OCSTAMP: variants seen among roughly 807,000 people sequenced by gnomAD.
OCSTAMP encodes the protein transmembrane protein C20orf123.
OCSTAMP carries 17 observed loss-of-function variants against 25.2 expected under a neutral mutation model. The ratio of observed to expected loss-of-function variants is 0.68; its 90% CI spans 0.46 to 1.01. The LOEUF (loss-of-function observed/expected upper bound fraction) is 1.01. Ranked by LOEUF, OCSTAMP falls within the 50% of genes least tolerant of loss-of-function variation. OCSTAMP has a pLI of 0.00. For synonymous variants in OCSTAMP, 345 were observed against 318.9 expected (o/e 1.08, Z -0.87); for missense variants, 664 against 694.6 (o/e 0.96, Z 0.50).
Position 46,550,520 on chromosome 20 carries a change from G to A in OCSTAMP, c.41C>T (p.Thr14Ile), listed in dbSNP as rs2061867576. Reference protein sequence around the residue: ...HPGAAEQLVKTGWRSWHLGFW... With the variant: ...HPGAAEQLVKIGWRSWHLGFW... Reference sequence around the variant, plus strand: ...TGTCCAAAGTCCCCAGACCTACCCGGTCTTGACAAGTTGCTCAGCTGCTCC... The same window carrying A: ...TGTCCAAAGTCCCCAGACCTACCCGATCTTGACAAGTTGCTCAGCTGCTCC... The change falls in exon 1 of 3, where the codon ACC (threonine) becomes ATC (isoleucine). Residue 14 changes from threonine (T) to isoleucine (I), a missense_variant. Coordinates refer to ENST00000279028, the MANE Select transcript of OCSTAMP (RefSeq NM_080721.3). 1 of 1,551,610 alleles carries A rather than the reference G, an allele frequency of 6.4e-7. No individual in the cohort carries two copies. Among genetic ancestry groups the A allele is most frequent in the Non-Finnish European group, 8.7e-7 (1 of 1,146,922 alleles).
rs1446718135 is a variant in OCSTAMP at position 46,541,711 on chromosome 20, C to T, written c.1264G>A (p.Ala422Thr). 1.3e-6 allele frequency: 2 copies of T among 1,548,574 alleles called. No individual in the cohort carries two copies. Among genetic ancestry groups the T allele is most frequent in the Non-Finnish European group, 8.7e-7 (1 of 1,146,708 alleles). ...AGSTVLLEAY[A>T]RRLRHAIAAS... ...GCGATGGCATGCCGCAGGCGGCGGGCGTAGGCCTCCAGGAGCACCGTGGAG... is the reference window on the plus strand; with the variant it reads ...GCGATGGCATGCCGCAGGCGGCGGGTGTAGGCCTCCAGGAGCACCGTGGAG... Residue 422 changes from alanine to threonine, a missense_variant, in exon 3 of 3, where the codon GCC (alanine) becomes ACC (threonine). Physicochemically the swap from Ala to Thr is moderately conservative, Grantham distance 58 (BLOSUM62 0). Coordinates refer to ENST00000279028, the MANE Select transcript of OCSTAMP (RefSeq NM_080721.3).
At position 46,541,414 on chromosome 20, in the gene OCSTAMP, A is replaced by G; in HGVS notation, c.1561T>C (p.Leu521=). The G allele has an allele frequency of 7.7e-7, 1 of 1,307,074 alleles. No homozygotes were observed. Among genetic ancestry groups the G allele is most frequent in the African/African-American group, 1.5e-5 (1 of 67,976 alleles). 81.0% of individuals were successfully genotyped at this position (1,307,074 alleles called of 1,614,324 possible). A position where few individuals can be genotyped will look rare whatever the true frequency, so the allele number is the denominator to read the frequency against. ...LGPVPPPCVT[L]GKSLHLSEPR... The stretch of plus-strand genomic sequence containing the variant: ...TCAGAGAGGTGAAGTGACTTACCCA[A>G]GGTCACACAGGGAGGCGGCACAGGA... The change falls in exon 3 of 3, where the codon TTG becomes CTG. Residue 521 remains leucine, a synonymous_variant. Transcript: ENST00000279028.
At position 46,541,756 on chromosome 20, in the gene OCSTAMP, C is replaced by A; in HGVS notation, c.1219G>T (p.Ala407Ser). The change falls in exon 3 of 3, where the codon GCC (alanine) becomes TCC (serine). Residue 407 changes from alanine (A) to serine (S), a missense_variant. Transcript: ENST00000279028. ...GTGGAGCCCGCCAGGAGCTGCAGGG[C>A]CCCCGCGGCCAGCGGGGCAGCTGCG... ...PRAAAPLAAG[A>S]LQLLAGSTVL... 1 of 1,536,596 alleles carries A rather than the reference C, an allele frequency of 6.5e-7. No individual in the cohort carries two copies. The highest frequency in any genetic ancestry group is 8.8e-7 in the Non-Finnish European group (1 of 1,141,280).
rs2061848660 is a variant in OCSTAMP, at chr20:46,545,543, G to T, written c.831C>A (p.Ala277=). Residue 277 remains alanine (A), a synonymous_variant, in exon 2 of 3, where the codon GCC becomes GCA. Coordinates refer to ENST00000279028, the MANE Select transcript of OCSTAMP (RefSeq NM_080721.3). Reference sequence around the variant, plus strand: ...CCTGGAGCAGCCAGGTGGGTGGAGGGGCCAGGAGGTGTGTAGCCTGGGCCT... The same window carrying T: ...CCTGGAGCAGCCAGGTGGGTGGAGGTGCCAGGAGGTGTGTAGCCTGGGCCT... ...LAQAQATHLL[A]PPPTWLLQAA... The T allele has an allele frequency of 4.5e-6, 7 of 1,551,582 alleles. No individual in the cohort carries two copies. The highest frequency in any genetic ancestry group is 5.2e-6 in the Non-Finnish European group (6 of 1,146,930).
At chr20:46,545,086 A>G (rs2061846625) in intron 2 of OCSTAMP, among the ~76,000 whole-genome samples, 1 of 152,172 alleles carries the variant, frequency 6.6e-6, no homozygotes, top group South Asian at 2.1e-4. Context: ...GATGCAAGTT[A>G]TTTTAAGGTG....
intron 1 of OCSTAMP, 51 bp from the exon 2 acceptor site, chr20:46,546,380 G>T: frequency 3.5e-6 from 5 of 1,434,862 alleles, no homozygotes; most frequent in Non-Finnish European, 3.8e-6. Flanking sequence ...GGGTGGGTGG[G>T]TGTCTGTCCA....
At chr20:46,544,575 G>A (rs569546747) in intron 2 of OCSTAMP, among the ~76,000 whole-genome samples, 5 of 152,194 alleles carry the variant, frequency 3.3e-5, no homozygotes, top group Admixed American at 6.5e-5. Context: ...CGTGGCAAAA[G>A]AAAGGATCGA....
Position 46,547,689 on chromosome 20 carries a change from A to T in OCSTAMP, c.45-1360T>A, listed in dbSNP as rs184775388. 3.3e-5 allele frequency among the ~76,000 whole-genome samples: 5 copies of T among 152,336 alleles called. No homozygotes were observed. In the East Asian group the frequency reaches 9.6e-4, roughly 29 times the overall value. On this transcript the variant is annotated intron_variant, in intron 1 of 2. Coordinates refer to ENST00000279028, the MANE Select transcript of OCSTAMP (RefSeq NM_080721.3). ...CGGTGGCTTTTGGGGCCAAAATCCAACTAGACTGGGTCCAGGAGAGACGGG... is the reference window on the plus strand; with the variant it reads ...CGGTGGCTTTTGGGGCCAAAATCCATCTAGACTGGGTCCAGGAGAGACGGG...
At position 46,545,640 on chromosome 20, in the gene OCSTAMP, AGGT is replaced by A; in HGVS notation, c.731_733del (p.Tyr244_Leu245delinsPhe). On this transcript the variant is annotated inframe_deletion, in exon 2 of 3. Coordinates refer to ENST00000279028, the MANE Select transcript of OCSTAMP (RefSeq NM_080721.3). ...CCGCAGGTCTGTCAGGTAGCAATGG[AGGT>A]ACCATGCCGACTCCACCAGGAGGCC... The A allele has an allele frequency of 6.4e-7, 1 of 1,551,652 alleles. No individual in the cohort carries two copies. The highest frequency in any genetic ancestry group is 8.7e-7 in the Non-Finnish European group (1 of 1,146,990).
Position 46,545,384 on chromosome 20 carries a change from A to G in OCSTAMP, c.990T>C (p.Thr330=). 6.5e-7 allele frequency: 1 copy of G among 1,532,966 alleles called. No homozygotes were observed. Among genetic ancestry groups the G allele is most frequent in the Non-Finnish European group, 8.8e-7 (1 of 1,139,670 alleles). The allele number at this position is 1,532,966 out of a possible 1,614,324, so 95.0% of individuals were successfully genotyped here. The change falls in exon 2 of 3, where the codon ACT becomes ACC. Residue 330 remains threonine (T), a synonymous_variant. Transcript: ENST00000279028. The part of the protein sequence containing the change: ...DHVAFLLAQA[T]VDWAQKLPTV... ...TTGGCAACTTCTGAGCCCAGTCCAC[A>G]GTAGCCTGTGCCAGGAGGAAGGCTA... is the stretch of plus-strand genomic sequence containing the variant.
rs751853340 is a variant in OCSTAMP at position 46,545,436 on chromosome 20, G to T, written c.938C>A (p.Thr313Lys). The T allele has an allele frequency of 3.9e-6, 6 of 1,550,834 alleles. No homozygotes were observed. The South Asian group carries it at 7.1e-5, about 18-fold the overall frequency. Residue 313 changes from threonine to lysine, a missense_variant, in exon 2 of 3, where the codon ACG becomes AAG. Thr to Lys is a moderately conservative substitution (Grantham distance 78). Coordinates refer to ENST00000279028, the MANE Select transcript of OCSTAMP (RefSeq NM_080721.3). The stretch of plus-strand genomic sequence containing the variant: ...ATGGTCTGTGGCCACCGCCACAGCC[G>T]TGGCCACGAGGAGCAGGGCAAGCAG... The part of the protein sequence containing the change: ...LGLLALLLVA[T>K]AVAVATDHVA...
Position 46,545,476 on chromosome 20 carries a change from G to A in OCSTAMP, c.898C>T (p.Leu300Phe). 2 of 1,551,544 alleles carry A rather than the reference G, an allele frequency of 1.3e-6. No homozygotes were observed. Among genetic ancestry groups the A allele is most frequent in the South Asian group, 2.4e-5 (2 of 84,040 alleles). Residue 300 changes from leucine (L) to phenylalanine (F), a missense_variant, in exon 2 of 3, where the codon CTT (leucine) becomes TTT (phenylalanine). Leu to Phe is a conservative substitution (Grantham distance 22). Coordinates refer to ENST00000279028, the MANE Select transcript of OCSTAMP (RefSeq NM_080721.3). ...AGGGCAAGCAGCCCCAGCCTTAGAAGACAACTCAACAGCTCCTCCTGTGAC... is the reference window on the plus strand; with the variant it reads ...AGGGCAAGCAGCCCCAGCCTTAGAAAACAACTCAACAGCTCCTCCTGTGAC... ...RLSQEELLSC[L>F]LRLGLLALLL...
chr20:46,544,065 C>G (rs2061843751), intron 2 of OCSTAMP, among the ~76,000 whole-genome samples: 1 of 152,082 alleles, frequency 6.6e-6, no homozygotes, highest in Admixed American at 6.5e-5. Flanking sequence ...TAAAAATTAA[C>G]TGGGTGGTGG....
rs2061849934 is a variant in OCSTAMP, at chr20:46,545,767, C to A, written c.607G>T (p.Val203Phe). ...GSAFYLHMLR[V>F]TQQVLEDFSG... ...AAATCCTCCAGGACCTGCTGAGTGACCCTGAGCATGTGAAGGTAGAAGGCA... is the reference window on the plus strand; with the variant it reads ...AAATCCTCCAGGACCTGCTGAGTGAACCTGAGCATGTGAAGGTAGAAGGCA... The change falls in exon 2 of 3, where the codon GTC becomes TTC. Residue 203 changes from valine to phenylalanine, a missense_variant. Val to Phe is a conservative substitution (Grantham distance 50, BLOSUM62 -1). Transcript: ENST00000279028. The A allele has an allele frequency of 1.3e-6, 2 of 1,551,442 alleles. No homozygotes were observed. Among genetic ancestry groups the A allele is most frequent in the South Asian group, 2.4e-5 (2 of 84,072 alleles).
chr20:46,542,937 T>A (rs908330604), intron 2 of OCSTAMP, among the ~76,000 whole-genome samples: 1 of 152,102 alleles, frequency 6.6e-6, no homozygotes, highest in African/African-American at 2.4e-5. Flanking sequence ...TCCCAGAGGA[T>A]CAGAGAGTGC....
At position 46,550,654 on chromosome 20, in the gene OCSTAMP, T is replaced by C; in HGVS notation, c.-94A>G. The C allele has an allele frequency of 8.3e-7, 1 of 1,203,780 alleles. No individual in the cohort carries two copies. Among genetic ancestry groups the C allele is most frequent in the Non-Finnish European group, 1.2e-6 (1 of 835,224 alleles). 74.6% of individuals were successfully genotyped at this position (1,203,780 alleles called of 1,614,324 possible). On this transcript the variant is annotated 5_prime_UTR_variant, in exon 1 of 3. Coordinates refer to ENST00000279028, the MANE Select transcript of OCSTAMP (RefSeq NM_080721.3). ...GGAATCGCTGGGACTTGGGAATCCC[T>C]GCCACTTCTGCTTTTCCACTCTTTA...
chr20:46,545,188 A>C, intron 2 of OCSTAMP, 139 bp downstream of exon 2: 1 of 767,502 alleles, frequency 1.3e-6, no homozygotes. Flanking sequence ...CCCTCTGCCC[A>C]TGGTATGGGG....
chr20:46,543,669 A>G (rs774552526), intron 2 of OCSTAMP, among the ~76,000 whole-genome samples: 6 of 152,126 alleles, frequency 3.9e-5, no homozygotes, highest in South Asian at 2.1e-4. Flanking sequence ...CGCGAGAAAG[A>G]TATGGCAAAA....
intron 1 of OCSTAMP, among the ~76,000 whole-genome samples, chr20:46,548,569 G>A (rs369407456): frequency 1.1e-4 from 17 of 152,316 alleles, no homozygotes; most frequent in African/African-American, 3.8e-4. Context: ...GAGAACAAAC[G>A]AACTGGGGCA....
Sources: gnomAD v4.1 joint callset for allele counts (sites outside exome capture counted in the v4.1 genomes callset) on GRCh38, gnomAD v4.1.1 for gene constraint, MANE v1.5 for transcripts, NCBI Gene and HGNC (gene_info 2026-07-23, HGNC 2026-07-21) for gene names.